SLC35F3: variants seen among roughly 807,000 people sequenced by gnomAD.
SLC35F3 encodes the protein putative thiamine transporter SLC35F3.
A neutral mutation model predicts 49.9 loss-of-function variants in SLC35F3; 25 were observed. The ratio of observed to expected loss-of-function variants is 0.50; its 90% CI spans 0.37 to 0.70. The LOEUF (loss-of-function observed/expected upper bound fraction) is 0.70. SLC35F3 is among the 30% of genes least tolerant of loss of function. SLC35F3 has a pLI of 0.00. For missense variants in SLC35F3, 525 were observed against 639.8 expected, an observed-to-expected ratio of 0.82 and a Z score of 1.94; for synonymous variants, 275 against 265.4, an observed-to-expected ratio of 1.04 and a Z score of -0.35.
intron 2 of SLC35F3, among the ~76,000 whole-genome samples, chr1:233,919,483 A>G (rs1662025591): frequency 6.6e-6 from 1 of 152,136 alleles, no homozygotes; most frequent in South Asian, 2.1e-4. Context: ...AGAGATTTAG[A>G]CTTCTGGTTC....
At chr1:234,137,509 G>A (rs577843665) in intron 2 of SLC35F3, among the ~76,000 whole-genome samples, 1 of 152,192 alleles carries the variant, frequency 6.6e-6, no homozygotes, top group Non-Finnish European at 1.5e-5. Context: ...GAAGGAATGG[G>A]AAGTAAAGGA....
intron 2 of SLC35F3, among the ~76,000 whole-genome samples, chr1:234,139,651 T>A (rs1490264772): frequency 2.6e-5 from 4 of 152,078 alleles, no homozygotes; most frequent in African/African-American, 9.7e-5. Context: ...ACTAGTCTTG[T>A]AAAATAAGGG....
At chr1:234,232,145 G>T (rs920689663) in intron 3 of SLC35F3, among the ~76,000 whole-genome samples, 1 of 152,150 alleles carries the variant, frequency 6.6e-6, no homozygotes, top group East Asian at 1.9e-4. Context: ...CTTCCCTCGC[G>T]GAGATGTTCG....
At chr1:234,001,908 G>A (rs1368486133) in intron 2 of SLC35F3, among the ~76,000 whole-genome samples, 1 of 152,158 alleles carries the variant, frequency 6.6e-6, no homozygotes, top group Admixed American at 6.6e-5. Context: ...TCATCAAGCT[G>A]TCCTAAATTT....
intron 2 of SLC35F3, among the ~76,000 whole-genome samples, chr1:233,945,786 A>T (rs1390893555): frequency 6.6e-6 from 1 of 152,218 alleles, no homozygotes; most frequent in South Asian, 2.1e-4. Context: ...GCTGCCACAT[A>T]AGATGTGACT....
chr1:234,005,973 T>A (rs1663624942), intron 2 of SLC35F3, among the ~76,000 whole-genome samples: 1 of 152,188 alleles, frequency 6.6e-6, no homozygotes, highest in African/African-American at 2.4e-5. Flanking sequence ...GATGAGCACA[T>A]TGACTTAGAT....
At chr1:234,269,421 G>A (rs1214756655) in intron 3 of SLC35F3, among the ~76,000 whole-genome samples, 2 of 152,116 alleles carry the variant, frequency 1.3e-5, no homozygotes, top group Non-Finnish European at 2.9e-5. Context: ...CAAATGCAGG[G>A]CTAATTTATG....
intron 3 of SLC35F3, among the ~76,000 whole-genome samples, chr1:234,286,596 G>A (rs141455891): frequency 6.6e-5 from 10 of 152,364 alleles, no homozygotes; most frequent in African/African-American, 2.2e-4. Context: ...GTAATATTAT[G>A]TGGGGCCACA....
chr1:234,118,864 AT>A (rs1328796166), intron 2 of SLC35F3, among the ~76,000 whole-genome samples: 4 of 149,726 alleles, frequency 2.7e-5, no homozygotes, highest in South Asian at 2.1e-4. Context: ...TAAGCAAATT[AT>A]TTTTTTCTTT....
chr1:234,249,522 G>A (rs746758357), intron 3 of SLC35F3, among the ~76,000 whole-genome samples: 1 of 152,160 alleles, frequency 6.6e-6, no homozygotes, highest in African/African-American at 2.4e-5. Context: ...CTTCATCCAA[G>A]TACCAAGTAC....
At chr1:233,960,373 T>A (rs1439841235) in intron 2 of SLC35F3, among the ~76,000 whole-genome samples, 1 of 152,160 alleles carries the variant, frequency 6.6e-6, no homozygotes, top group East Asian at 1.9e-4. Context: ...TTCTCCGTTA[T>A]CCTCCAATAC....
chr1:234,323,049 C>A lies in SLC35F3; in HGVS notation c.1279C>A (p.Arg427=), dbSNP rs147628844. ...CAGTCAGATCGTCTTCAATGGGGTC[C>A]GGGTCATCGCCATCATCATCATCGG... The part of the protein sequence containing the change: ...YTSQIVFNGV[R]VIAIIIIGLG... Residue 427 remains arginine (R), a synonymous_variant, in exon 8 of 8, where the codon CGG becomes AGG. Coordinates refer to ENST00000366618, the MANE Select transcript of SLC35F3 (RefSeq NM_173508.4). This position sits in a 1 kb window ranked among gnomAD's most constrained non-coding sequence, Gnocchi z 4.5. 3.1e-4 allele frequency: 506 copies of A among 1,614,064 alleles called. 1 individual carries two copies. In the Middle Eastern group the frequency reaches 4.8e-3, roughly 15 times the overall value.
intron 2 of SLC35F3, among the ~76,000 whole-genome samples, chr1:234,199,823 G>C (rs184392428): frequency 6.6e-6 from 1 of 152,140 alleles, no homozygotes; most frequent in East Asian, 1.9e-4. Context: ...ATTAAAAAAC[G>C]GGCAAAGGAC....
rs148889386 is a variant in SLC35F3, at chr1:234,086,383, T to C, written c.284-145034T>C. On this transcript the variant is annotated intron_variant, in intron 2 of 7. Transcript: ENST00000366618. ...TCCTGGGACTTTGGATCTTACTCCA[T>C]AGCCAACTGGGAGTTATTATTGGGT... Among the ~76,000 whole-genome samples the C allele has an allele frequency of 2.6e-5, 4 of 152,362 alleles. No individual in the cohort carries two copies. The East Asian group carries it at 7.7e-4, about 29-fold the overall frequency.
At chr1:233,922,980 G>A (rs1662091074) in intron 2 of SLC35F3, among the ~76,000 whole-genome samples, 1 of 152,068 alleles carries the variant, frequency 6.6e-6, no homozygotes, top group Non-Finnish European at 1.5e-5. Context: ...TTATTTCTGA[G>A]GGCTCTATTA....
intron 2 of SLC35F3, among the ~76,000 whole-genome samples, chr1:233,977,338 T>G (rs749908063): frequency 5.3e-5 from 8 of 152,236 alleles, no homozygotes; most frequent in Non-Finnish European, 1.0e-4. Flanking sequence ...ATTACAAAAT[T>G]GCAGCTTTGT....
At chr1:234,144,338 A>G (rs1665965546) in intron 2 of SLC35F3, among the ~76,000 whole-genome samples, 1 of 152,184 alleles carries the variant, frequency 6.6e-6, no homozygotes, top group Admixed American at 6.5e-5. Flanking sequence ...TTGTAAATGC[A>G]AGGGGGTTAG....
At chr1:234,297,731 A>G (rs1021355697) in intron 3 of SLC35F3, among the ~76,000 whole-genome samples, 40 of 134,206 alleles carry the variant, frequency 3.0e-4, no homozygotes, top group African/African-American at 1.2e-3. Context: ...GTGACAGAGC[A>G]ATACCCTGTC....
chr1:234,039,865 G>A (rs1029573830), intron 2 of SLC35F3, among the ~76,000 whole-genome samples: 3 of 152,192 alleles, frequency 2.0e-5, no homozygotes, highest in African/African-American at 7.2e-5. Flanking sequence ...AGAAGGCACC[G>A]TTACAATGCT....
Sources: gnomAD v4.1 joint callset for allele counts (sites outside exome capture counted in the v4.1 genomes callset) on GRCh38, gnomAD v4.1.1 for gene constraint, Gnocchi (gnomAD v3.1) non-coding constraint, MANE v1.5 for transcripts, NCBI Gene and HGNC (gene_info 2026-07-23, HGNC 2026-07-21) for gene names.